Variants in C10orf67 observed in about 807,000 individuals in gnomAD.
The protein encoded by C10orf67 is chromosome 10 open reading frame 67, also known as uncharacterized protein C10orf67, mitochondrial.
Under a neutral mutation model 35.6 loss-of-function variants are expected in C10orf67, and 60 were observed. That is an observed-to-expected ratio of 1.68 (90% confidence interval 1.37 to 2.09). The LOEUF is 2.09. Ranked by LOEUF, C10orf67 falls within the 30% of genes most tolerant of loss-of-function variation. The pLI, the probability that C10orf67 is intolerant of heterozygous loss-of-function variation, is 0.00. For synonymous variants in C10orf67, 167 were observed against 115.8 expected (o/e 1.44, Z -2.84); for missense variants, 474 against 330.2 (o/e 1.44, Z -3.38).
chr10:23,220,814 T>C (rs1841556145), intron 15 of C10orf67, among the ~76,000 whole-genome samples: 2 of 152,232 alleles, frequency 1.3e-5, no homozygotes, highest in African/African-American at 4.8e-5. Flanking sequence ...ATGATAGTTA[T>C]ACATAATTTC....
intron 12 of C10orf67, among the ~76,000 whole-genome samples, chr10:23,248,126 C>A (rs1489205633): frequency 6.6e-6 from 1 of 152,174 alleles, no homozygotes; most frequent in South Asian, 2.1e-4. Flanking sequence ...CGGGAACCAC[C>A]TGTAACATTT....
intron 4 of C10orf67, chr10:23,317,799 T>A (rs1204658247): frequency 1.3e-5 from 2 of 151,970 alleles, no homozygotes; most frequent in Non-Finnish European, 2.9e-5. Context: ...TCCGTCTTCT[T>A]CCATTAAATA....
intron 2 of C10orf67, among the ~76,000 whole-genome samples, chr10:23,329,792 T>G (rs1845361623): frequency 4.0e-5 from 1 of 24,804 alleles, no homozygotes; most frequent in Admixed American, 5.3e-4. Context: ...AACAAGAACT[T>G]GTCTCAAAAA....
chr10:23,209,223 GAA>G (rs1588572227), intron 15 of C10orf67, among the ~76,000 whole-genome samples: 1 of 152,082 alleles, frequency 6.6e-6, no homozygotes, highest in East Asian at 1.9e-4. Context: ...ATTCAACAGG[GAA>G]TAACAAAGTG....
intron 13 of C10orf67, among the ~76,000 whole-genome samples, chr10:23,224,241 C>A (rs2132108309): frequency 6.6e-6 from 1 of 152,320 alleles, no homozygotes; most frequent in East Asian, 1.9e-4. Flanking sequence ...GTTCTGCAGC[C>A]TCCGCTGCTG....
At chr10:23,284,368 C>T (rs1221807204) in intron 7 of C10orf67, among the ~76,000 whole-genome samples, 1 of 151,976 alleles carries the variant, frequency 6.6e-6, no homozygotes, top group Non-Finnish European at 1.5e-5. Flanking sequence ...CCCAGCTCTT[C>T]CACTCTTGCC....
chr10:23,302,287 AT>A (rs1844106022), intron 5 of C10orf67, among the ~76,000 whole-genome samples: 1 of 152,016 alleles, frequency 6.6e-6, no homozygotes, highest in African/African-American at 2.4e-5. Context: ...TATATTATAT[AT>A]TCACTACAAC....
At chr10:23,331,711 A>G (rs1356502890) in intron 2 of C10orf67, among the ~76,000 whole-genome samples, 27 of 147,610 alleles carry the variant, frequency 1.8e-4, no homozygotes, top group Non-Finnish European at 4.0e-4. Context: ...GGGAAGGGAA[A>G]AGGGGAAGGG....
intron 8 of C10orf67, among the ~76,000 whole-genome samples, chr10:23,274,422 C>T (rs981703581): frequency 1.3e-5 from 2 of 151,994 alleles, no homozygotes; most frequent in Non-Finnish European, 2.9e-5. Context: ...CCAGAGCGGC[C>T]GTCTATAGAC....
chr10:23,256,934 G>A (rs1291648902), intron 10 of C10orf67, among the ~76,000 whole-genome samples: 1 of 152,094 alleles, frequency 6.6e-6, no homozygotes, highest in African/African-American at 2.4e-5. Flanking sequence ...AGAAGTGTTA[G>A]GTATCAAATC....
intron 5 of C10orf67, among the ~76,000 whole-genome samples, chr10:23,297,530 A>C (rs779429372): frequency 4.6e-5 from 7 of 152,176 alleles, no homozygotes; most frequent in Non-Finnish European, 1.0e-4. Flanking sequence ...TCCTGGAGTG[A>C]GGGGATTACT....
At chr10:23,293,028 A>G (rs1843769310) in intron 5 of C10orf67, among the ~76,000 whole-genome samples, 1 of 152,234 alleles carries the variant, frequency 6.6e-6, no homozygotes, top group African/African-American at 2.4e-5. Flanking sequence ...AAAGAAATAA[A>G]CAAACAATAC....
At chr10:23,331,700 G>A (rs913621768) in intron 2 of C10orf67, among the ~76,000 whole-genome samples, 2 of 147,988 alleles carry the variant, frequency 1.4e-5, no homozygotes, top group African/African-American at 2.5e-5. Context: ...AGAAGGGAAG[G>A]GGGAAGGGAA....
chr10:23,298,346 G>T (rs1449077713), intron 5 of C10orf67, among the ~76,000 whole-genome samples: 1 of 152,198 alleles, frequency 6.6e-6, no homozygotes, highest in Non-Finnish European at 1.5e-5. Flanking sequence ...CAGGTTGCAA[G>T]CTCATCCCTC....
intron 13 of C10orf67, among the ~76,000 whole-genome samples, chr10:23,227,319 A>G (rs1014348944): frequency 2.0e-5 from 3 of 152,250 alleles, no homozygotes; most frequent in African/African-American, 7.2e-5. Context: ...GCATATAAAC[A>G]GAACCAAAGA....
intron 5 of C10orf67, among the ~76,000 whole-genome samples, chr10:23,297,062 T>C (rs1273076077): frequency 6.6e-6 from 1 of 152,242 alleles, no homozygotes; most frequent in Non-Finnish European, 1.5e-5. Flanking sequence ...AAGGCAACTA[T>C]GTCCTCGTGA....
chr10:23,213,844 T>C (rs1423459422), intron 15 of C10orf67, among the ~76,000 whole-genome samples: 2 of 151,156 alleles, frequency 1.3e-5, no homozygotes, highest in South Asian at 2.1e-4. Flanking sequence ...ATAAAAATAG[T>C]CCAAATATAT....
At chr10:23,265,670 G>A (rs1842868427) in intron 10 of C10orf67, among the ~76,000 whole-genome samples, 4 of 152,218 alleles carry the variant, frequency 2.6e-5, no homozygotes, top group Admixed American at 2.0e-4. Flanking sequence ...AGTGAGCAGT[G>A]CCTCATAAAT....
At chr10:23,276,496 G>C (rs773237023) in intron 8 of C10orf67, among the ~76,000 whole-genome samples, 35 of 151,976 alleles carry the variant, frequency 2.3e-4, no homozygotes, top group Non-Finnish European at 4.0e-4. Flanking sequence ...AATATATAAA[G>C]TGGTGTGTGT....
Sources: allele counts gnomAD v4.1 joint callset (sites outside exome capture counted in the v4.1 genomes callset), GRCh38; gene constraint gnomAD v4.1.1; transcripts MANE v1.5; gene names NCBI Gene and HGNC (gene_info 2026-07-23, HGNC 2026-07-21).